Variants in CAPG observed in about 807,000 individuals in gnomAD.
The protein encoded by CAPG is capping actin protein, gelsolin like.
CAPG carries 32 observed loss-of-function variants against 44.6 expected under a neutral mutation model. The observed-to-expected ratio is 0.72, with a 90% CI of 0.54 to 0.96. The LOEUF (loss-of-function observed/expected upper bound fraction) is 0.96. Among genes scored for constraint, CAPG ranks in the 50% least tolerant of loss-of-function variants. CAPG has a pLI of 0.00. For missense variants in CAPG, 412 were observed against 438.3 expected, an observed-to-expected ratio of 0.94 and a Z score of 0.54; for synonymous variants, 175 against 179.6, an observed-to-expected ratio of 0.97 and a Z score of 0.20.
Position 85,395,092 on chromosome 2 carries a change from G to C in CAPG, c.982-134C>G, listed in dbSNP as rs1228848071. The C allele has an allele frequency of 2.3e-5, 16 of 685,362 alleles. No homozygotes were observed. The Middle Eastern group carries it at 1.0e-3, about 44-fold the overall frequency. The allele number at this position is 685,362 out of a possible 1,614,324, so 42.5% of individuals were successfully genotyped here. A position where few individuals can be genotyped will look rare whatever the true frequency, so the allele number is the denominator to read the frequency against. On this transcript the variant is annotated intron_variant, in intron 9 of 9. Transcript: ENST00000263867. The surrounding 1 kb of genome is among the most constrained non-coding windows in gnomAD (Gnocchi z 4.3). ...CTGAATCCATGTGCAGTCCAGGCTG[G>C]GAAAGCTCCCCTGGATGAGCCATGA...
intron 1 of CAPG, among the ~76,000 whole-genome samples, chr2:85,407,223 C>T (rs1473223233): frequency 1.3e-5 from 2 of 152,096 alleles, no homozygotes; most frequent in Admixed American, 6.5e-5. Context: ...AGGCACTGCG[C>T]CTGGGCCATA....
upstream of CAPG, among the ~76,000 whole-genome samples, chr2:85,414,920 T>C (rs1344965025): frequency 6.6e-6 from 1 of 152,224 alleles, no homozygotes; most frequent in Non-Finnish European, 1.5e-5. Flanking sequence ...CCATGAGAGA[T>C]GTCAGTTGAC....
chr2:85,412,497 G>A (rs1431785892), upstream of CAPG, among the ~76,000 whole-genome samples: 1 of 151,976 alleles, frequency 6.6e-6, no homozygotes, highest in African/African-American at 2.4e-5. Flanking sequence ...TGGGTGACTG[G>A]GCAAGACTCA....
chr2:85,404,422 C>A (rs188659406), intron 1 of CAPG, among the ~76,000 whole-genome samples: 7 of 152,068 alleles, frequency 4.6e-5, no homozygotes, highest in African/African-American at 1.7e-4. Flanking sequence ...CAAGCCTGGG[C>A]AATATAAGGA....
intron 1 of CAPG, among the ~76,000 whole-genome samples, chr2:85,410,036 G>T (rs924414029): frequency 6.6e-6 from 1 of 152,228 alleles, no homozygotes; most frequent in African/African-American, 2.4e-5. Context: ...TGACCCAAGA[G>T]TTCCTCCATG....
chr2:85,406,312 T>G (rs1445248890), intron 1 of CAPG, among the ~76,000 whole-genome samples: 1 of 151,986 alleles, frequency 6.6e-6, no homozygotes, highest in Non-Finnish European at 1.5e-5. Context: ...TGGGACCTTA[T>G]TAAAATGTCG....
intron 4 of CAPG, 75 bp from the exon 5 acceptor site, chr2:85,401,404 C>T (rs1032089146): frequency 3.0e-5 from 48 of 1,577,904 alleles, no homozygotes; most frequent in Middle Eastern, 1.7e-4. Flanking sequence ...CACTGGAAGA[C>T]GGGCAGAAAG....
rs1250272421 is a variant in CAPG, at chr2:85,398,039, G to T, written c.873C>A (p.Gly291=). ...DCFVLDNGLC[G]KIYIWKGRKA... is the part of the protein sequence containing the mutation. ...ACGTACCCTTCCAGATATAGATCTTGCCACAGAGCCCGTTGTCCAGCACAA... is the reference window on the plus strand; with the variant it reads ...ACGTACCCTTCCAGATATAGATCTTTCCACAGAGCCCGTTGTCCAGCACAA... The change falls in exon 8 of 10, where the codon GGC becomes GGA. Residue 291 remains glycine, a synonymous_variant. Transcript: ENST00000263867. 6.2e-7 allele frequency: 1 copy of T among 1,613,992 alleles called. No homozygotes were observed. Among genetic ancestry groups the T allele is most frequent in the Admixed American group, 1.7e-5 (1 of 59,988 alleles).
chr2:85,406,484 G>A (rs183296318), intron 1 of CAPG, among the ~76,000 whole-genome samples: 5 of 152,228 alleles, frequency 3.3e-5, no homozygotes, highest in Non-Finnish European at 4.4e-5. Flanking sequence ...TCTGATAATC[G>A]TGGATATCTG....
In CAPG at chr2:85,398,019, C is replaced by T. The variant is rs1442999841; in HGVS notation, c.892+1G>A. The T allele has an allele frequency of 1.2e-6, 2 of 1,613,630 alleles. No individual in the cohort carries two copies. The highest frequency in any genetic ancestry group is 1.7e-6 in the Non-Finnish European group (2 of 1,179,776). On this transcript the variant is annotated splice_donor_variant, in intron 8 of 9. Coordinates refer to ENST00000263867, the MANE Select transcript of CAPG (RefSeq NM_001747.4). LOFTEE classifies it high-confidence loss of function. ...CAGGCTGTTACAGAGGAGCCACGTA[C>T]CCTTCCAGATATAGATCTTGCCACA...
At chr2:85,406,450 C>G (rs1193307183) in intron 1 of CAPG, among the ~76,000 whole-genome samples, 1 of 152,130 alleles carries the variant, frequency 6.6e-6, no homozygotes, top group Non-Finnish European at 1.5e-5. Flanking sequence ...TACCTAGAAC[C>G]CCCTACCCTT....
intron 1 of CAPG, among the ~76,000 whole-genome samples, chr2:85,408,305 G>A (rs992643256): frequency 7.3e-5 from 11 of 149,754 alleles, no homozygotes; most frequent in African/African-American, 2.5e-4. Flanking sequence ...TGGCACTACT[G>A]CACTCTAGCC....
In CAPG at chr2:85,398,109, T is replaced by C; in HGVS notation, c.803A>G (p.Asp268Gly). 6.2e-7 allele frequency: 1 copy of C among 1,613,848 alleles called. No individual in the cohort carries two copies. The highest frequency in any genetic ancestry group is 8.5e-7 in the Non-Finnish European group (1 of 1,179,920). The stretch of plus-strand genomic sequence containing the variant: ...CAGTTCAAGGGCAAATGGGCTGGAG[T>C]CAGCCACCTTGGTCAGGTTCATCTG... The part of the protein sequence containing the change: ...TGQMNLTKVA[D>G]SSPFALELLI... The change falls in exon 8 of 10, where the codon GAC becomes GGC. Residue 268 changes from aspartate (D) to glycine (G), a missense_variant. Transcript: ENST00000263867.
intron 4 of CAPG, 23 bp from the exon 5 acceptor site, chr2:85,401,352 G>A (rs1370625470): frequency 1.2e-6 from 2 of 1,610,652 alleles, no homozygotes; most frequent in Admixed American, 3.3e-5. Flanking sequence ...CGGCCCATCT[G>A]AGTGGACTGA....
intron 1 of CAPG, among the ~76,000 whole-genome samples, chr2:85,405,322 T>G (rs899084207): frequency 6.6e-6 from 1 of 152,194 alleles, no homozygotes; most frequent in African/African-American, 2.4e-5. Context: ...GAGGATTTCT[T>G]TTTTTGGCTC....
chr2:85,392,314 CG>C (rs998393759), downstream of CAPG, among the ~76,000 whole-genome samples: 2 of 149,092 alleles, frequency 1.3e-5, no homozygotes, highest in Non-Finnish European at 3.0e-5. Context: ...GGTGTGAACC[CG>C]GGAGGCGGAG....
chr2:85,397,167 G>C (rs1163363251), intron 8 of CAPG, among the ~76,000 whole-genome samples: 2 of 152,144 alleles, frequency 1.3e-5, no homozygotes, highest in African/African-American at 4.8e-5. Context: ...AGAATCCCAG[G>C]ATCAGGGGTC....
At chr2:85,408,427 G>C (rs779024946) in intron 1 of CAPG, among the ~76,000 whole-genome samples, 1 of 150,212 alleles carries the variant, frequency 6.7e-6, no homozygotes, top group Non-Finnish European at 1.5e-5. Context: ...GCTGTCCAAG[G>C]AAACTTCCAG....
chr2:85,395,669 C>A lies in CAPG; in HGVS notation c.893-43G>T. The A allele has an allele frequency of 7.2e-7, 1 of 1,393,546 alleles. No homozygotes were observed. Among genetic ancestry groups the A allele is most frequent in the South Asian group, 1.2e-5 (1 of 83,646 alleles). 86.3% of individuals were successfully genotyped at this position (1,393,546 alleles called of 1,614,324 possible). ...GATTTTTAAAAAGAGCAGGGACCCT[C>A]TTTAGCTGCCATCCCATTTTTCTTG... On this transcript the variant is annotated intron_variant, in intron 8 of 9. Coordinates refer to ENST00000263867, the MANE Select transcript of CAPG (RefSeq NM_001747.4). This position sits in a 1 kb window ranked among gnomAD's most constrained non-coding sequence, Gnocchi z 4.3.
Sources: gnomAD v4.1 joint callset for allele counts (sites outside exome capture counted in the v4.1 genomes callset) on GRCh38, gnomAD v4.1.1 for gene constraint, Gnocchi (gnomAD v3.1) non-coding constraint, MANE v1.5 for transcripts, NCBI Gene and HGNC (gene_info 2026-07-23, HGNC 2026-07-21) for gene names.